The following ROBO2 variants were observed in gnomAD, a reference collection of about 807,000 sequenced individuals.
ROBO2 encodes roundabout guidance receptor 2.
In ROBO2, 53 loss-of-function variants were observed where a neutral mutation model predicts 160.8. The observed-to-expected ratio is 0.33, with a 90% confidence interval of 0.26 to 0.41. The LOEUF is 0.41. ROBO2 is among the 10% of genes least tolerant of loss of function. The pLI is 1.00. For synonymous variants in ROBO2, 664 were observed against 611.7 expected, an observed-to-expected ratio of 1.09 and a Z score of -1.26; for missense variants, 1,577 against 1,722.4, an observed-to-expected ratio of 0.92 and a Z score of 1.49.
intron 2 of ROBO2, among the ~76,000 whole-genome samples, chr3:76,650,234 G>A (rs1483155177): frequency 6.6e-6 from 1 of 152,110 alleles, no homozygotes; most frequent in African/African-American, 2.4e-5. Context: ...CTAAAAATAA[G>A]TGTTGGCTAC....
At chr3:76,798,142 G>A (rs1436832327) in intron 2 of ROBO2, among the ~76,000 whole-genome samples, 12 of 25,564 alleles carry the variant, frequency 4.7e-4, no homozygotes, top group African/African-American at 4.1e-3. Flanking sequence ...AGAAGAAAGA[G>A]AAAGAAAGAA....
At chr3:77,158,267 A>C (rs1469857660) in intron 2 of ROBO2, among the ~76,000 whole-genome samples, 1 of 152,120 alleles carries the variant, frequency 6.6e-6, no homozygotes, top group African/African-American at 2.4e-5. Flanking sequence ...AACCTGTCTC[A>C]GTGAGTACGT....
At chr3:77,595,101 T>C (rs1309817364) in intron 17 of ROBO2, 41 bp from the exon 19 acceptor site, 2 of 1,526,442 alleles carry the variant, frequency 1.3e-6, no homozygotes, top group South Asian at 1.1e-5. Context: ...TAATATTGAC[T>C]ACTTGTGTGT....
chr3:76,581,642 A>G (rs571851385), intron 2 of ROBO2, among the ~76,000 whole-genome samples: 1 of 152,132 alleles, frequency 6.6e-6, no homozygotes, highest in Admixed American at 6.5e-5. Flanking sequence ...GACTCAAAAA[A>G]TTCATCATGG....
At chr3:76,622,237 A>AGGAAG in intron 2 of ROBO2, among the ~76,000 whole-genome samples, 1 of 40,238 alleles carries the variant, frequency 2.5e-5, no homozygotes, top group East Asian at 9.5e-4. Context: ...GAAGGAAGGA[A>AGGAAG]GAAAGAAAGA....
At chr3:77,595,067 T>C in intron 17 of ROBO2, 75 bp from the exon 19 acceptor site, 4 of 1,176,528 alleles carry the variant, frequency 3.4e-6, no homozygotes, top group South Asian at 1.2e-5. Flanking sequence ...TAAGGGCCAA[T>C]ATGTAGTTGT....
At chr3:77,185,073 G>A (rs549544041) in intron 2 of ROBO2, among the ~76,000 whole-genome samples, 1 of 151,994 alleles carries the variant, frequency 6.6e-6, no homozygotes, top group East Asian at 1.9e-4. Context: ...AAGTCTCTGG[G>A]TTCAGCGCTG....
At chr3:77,049,828 C>T (rs1469181630) in intron 1 of ROBO2, among the ~76,000 whole-genome samples, 1 of 152,162 alleles carries the variant, frequency 6.6e-6, no homozygotes, top group Non-Finnish European at 1.5e-5. Context: ...AAGCAAGGAA[C>T]ACCCAGTTGA....
intron 1 of ROBO2, among the ~76,000 whole-genome samples, chr3:77,074,187 C>A (rs553534381): frequency 6.6e-6 from 1 of 152,178 alleles, no homozygotes; most frequent in Admixed American, 6.6e-5. Flanking sequence ...CAAGCGTGTC[C>A]TGATTGTTTT....
intron 2 of ROBO2, among the ~76,000 whole-genome samples, chr3:76,161,582 G>A (rs924805888): frequency 9.9e-5 from 15 of 152,172 alleles, no homozygotes; most frequent in African/African-American, 3.1e-4. Context: ...ATTGTGGCAC[G>A]CTTGCTCTCT....
intron 2 of ROBO2, among the ~76,000 whole-genome samples, chr3:76,983,436 A>G (rs1005890221): frequency 1.3e-5 from 2 of 152,212 alleles, no homozygotes; most frequent in East Asian, 3.8e-4. Context: ...ACATTTCTCT[A>G]AACTAAATAA....
At chr3:76,731,251 A>G (rs1278022032) in intron 2 of ROBO2, among the ~76,000 whole-genome samples, 2 of 152,182 alleles carry the variant, frequency 1.3e-5, no homozygotes, top group East Asian at 3.8e-4. Flanking sequence ...AATTGCCTTT[A>G]TTTTTATGAA....
intron 2 of ROBO2, among the ~76,000 whole-genome samples, chr3:76,455,149 A>C (rs922142030): frequency 1.3e-5 from 2 of 152,112 alleles, no homozygotes; most frequent in East Asian, 3.9e-4. Context: ...AGGATATTTC[A>C]TGTCATTTTT....
chr3:76,848,344 G>A lies in ROBO2; in HGVS notation c.110-249670G>A, dbSNP rs73841636. Among the ~76,000 whole-genome samples the A allele has an allele frequency of 2.1e-3, 327 of 152,242 alleles. 2 individuals carry two copies. The highest frequency in any genetic ancestry group is 7.6e-3 in the African/African-American group (314 of 41,558). ...AACAGGGTAGGGGGTTGGCCAACTT[G>A]ATTTGTAGCATTGTAACATGATTTT... On this transcript the variant is annotated intron_variant, in intron 2 of 26. Transcript: ENST00000487694.
In ROBO2 at chr3:76,740,095, C is replaced by T. The variant is rs547068698; in HGVS notation, c.110-357919C>T. 3.3e-4 allele frequency among the ~76,000 whole-genome samples: 50 copies of T among 152,068 alleles called. 1 individual carries two copies. The highest frequency in any genetic ancestry group is 5.1e-4 in the Non-Finnish European group (35 of 68,004). On this transcript the variant is annotated intron_variant, in intron 2 of 26. Coordinates refer to the ROBO2 transcript ENST00000487694. ...AATTATTTTTAAGGAACAACTTTAT[C>T]GTTAAATCAATATAGCCTCTGACTT...
chr3:76,989,153 A>G (rs1434426720), intron 2 of ROBO2, among the ~76,000 whole-genome samples: 1 of 152,174 alleles, frequency 6.6e-6, no homozygotes. Flanking sequence ...ATTTAACATG[A>G]AACTGTTAAA....
intron 2 of ROBO2, among the ~76,000 whole-genome samples, chr3:76,238,087 A>G (rs1480890019): frequency 1.3e-5 from 2 of 152,166 alleles, no homozygotes; most frequent in African/African-American, 4.8e-5. Context: ...AAGACATGAA[A>G]TGGACTTTTT....
At chr3:76,763,254 A>T (rs527346511) in intron 2 of ROBO2, among the ~76,000 whole-genome samples, 1 of 151,888 alleles carries the variant, frequency 6.6e-6, no homozygotes, top group East Asian at 2.0e-4. Context: ...TAATGATGCC[A>T]ACTACCCATT....
At chr3:77,354,440 TCATGAATTTGCATC>T (rs1334579179) in intron 2 of ROBO2, among the ~76,000 whole-genome samples, 5 of 9,410 alleles carry the variant, frequency 5.3e-4, no homozygotes, top group Non-Finnish European at 3.4e-3. Flanking sequence ...TGAATTTGCA[TCATGAATTTGCATC>T]TAAAGTCTGG....
Sources: allele counts gnomAD v4.1 joint callset (sites outside exome capture counted in the v4.1 genomes callset), GRCh38; gene constraint gnomAD v4.1.1; transcripts MANE v1.5; gene names NCBI Gene and HGNC (gene_info 2026-07-23, HGNC 2026-07-21).